SPAG16: variants seen among roughly 807,000 people sequenced by gnomAD.
SPAG16 encodes sperm-associated antigen 16 protein.
A neutral mutation model predicts 80.4 loss-of-function variants in SPAG16; 86 were observed. The ratio of observed to expected loss-of-function variants is 1.07; its 90% CI spans 0.90 to 1.28. The LOEUF (loss-of-function observed/expected upper bound fraction) is 1.28. SPAG16 is among the 50% of genes most tolerant of loss of function. The probability of loss-of-function intolerance (pLI) is 0.00; values close to 1 mark genes in which losing one functional copy is unlikely to be tolerated. For synonymous variants in SPAG16, 294 were observed against 265.9 expected, an observed-to-expected ratio of 1.11 and a Z score of -1.03; for missense variants, 870 against 765.3, an observed-to-expected ratio of 1.14 and a Z score of -1.61.
chr2:213,517,940 CA>C (rs1319138530), intron 10 of SPAG16, among the ~76,000 whole-genome samples: 7 of 152,048 alleles, frequency 4.6e-5, no homozygotes, highest in African/African-American at 1.4e-4. Context: ...TCAACAAAAA[CA>C]AAAATTGACA....
chr2:214,096,549 C>A (rs531952249), intron 13 of SPAG16, among the ~76,000 whole-genome samples: 1 of 152,016 alleles, frequency 6.6e-6, no homozygotes, highest in Non-Finnish European at 1.5e-5. Context: ...TCTTATGCTA[C>A]TGGGAGCGTT....
chr2:214,270,402 T>G (rs1691903827), intron 15 of SPAG16, among the ~76,000 whole-genome samples: 1 of 152,160 alleles, frequency 6.6e-6, no homozygotes, highest in South Asian at 2.1e-4. Context: ...TTTAAACCTG[T>G]TGGTTGATAA....
chr2:214,227,331 T>C (rs1390059282), intron 15 of SPAG16, among the ~76,000 whole-genome samples: 1 of 152,054 alleles, frequency 6.6e-6, no homozygotes, highest in Admixed American at 6.6e-5. Flanking sequence ...GAAACAGTTT[T>C]AATATTTACT....
At chr2:214,118,602 T>G (rs2054060223) in intron 14 of SPAG16, among the ~76,000 whole-genome samples, 1 of 152,102 alleles carries the variant, frequency 6.6e-6, no homozygotes, top group Non-Finnish European at 1.5e-5. Flanking sequence ...AAGCCCCTTG[T>G]AAAACCTTCA....
rs578038598 is a variant in SPAG16, at chr2:214,320,958, T to C, written c.1721-89182T>C. Among the ~76,000 whole-genome samples, 15 of 152,284 alleles carry C rather than the reference T, an allele frequency of 9.9e-5. No homozygotes were observed. The South Asian group carries it at 2.9e-3, about 29-fold the overall frequency. On this transcript the variant is annotated intron_variant, in intron 15 of 15. Transcript: ENST00000331683. ...ATGTAAAGTATGTTGGTTGGCAAAG[T>C]TAGAAGTATTTGTTAAAAAGTCCAT...
At chr2:213,677,417 A>G (rs1424396197) in intron 10 of SPAG16, among the ~76,000 whole-genome samples, 1 of 152,156 alleles carries the variant, frequency 6.6e-6, no homozygotes, top group African/African-American at 2.4e-5. Context: ...AAAAGGATGG[A>G]GGAAGATCTA....
intron 10 of SPAG16, among the ~76,000 whole-genome samples, chr2:213,689,162 C>G (rs2064826238): frequency 6.6e-6 from 1 of 152,090 alleles, no homozygotes; most frequent in African/African-American, 2.4e-5. Flanking sequence ...GTTTCACCAT[C>G]TTGGCCAGGC....
chr2:213,643,344 A>C (rs1289076522), intron 10 of SPAG16, among the ~76,000 whole-genome samples: 1 of 81,404 alleles, frequency 1.2e-5, no homozygotes, highest in Non-Finnish European at 2.4e-5. Flanking sequence ...ATTGGATCTT[A>C]ATTTTATATA....
At chr2:213,525,289 T>TC (rs1237142607) in intron 10 of SPAG16, among the ~76,000 whole-genome samples, 6 of 141,648 alleles carry the variant, frequency 4.2e-5, no homozygotes, top group Admixed American at 7.0e-5. Flanking sequence ...CTTTTCTTTT[T>TC]TTTTTTTTTT....
At chr2:213,544,131 C>T (rs919782168) in intron 10 of SPAG16, among the ~76,000 whole-genome samples, 4 of 151,696 alleles carry the variant, frequency 2.6e-5, no homozygotes, top group African/African-American at 9.7e-5. Flanking sequence ...ACTTTCTCTC[C>T]TAGTTAGTCC....
chr2:213,970,633 T>C (rs1044048282), intron 12 of SPAG16, among the ~76,000 whole-genome samples: 6 of 152,220 alleles, frequency 3.9e-5, no homozygotes, highest in Non-Finnish European at 8.8e-5. Flanking sequence ...CAGCACACTA[T>C]TGGTGAACAT....
intron 12 of SPAG16, among the ~76,000 whole-genome samples, chr2:213,971,847 C>T (rs922530550): frequency 6.6e-6 from 1 of 151,524 alleles, no homozygotes; most frequent in African/African-American, 2.4e-5. Flanking sequence ...ACATCCATGA[C>T]ATGCTAACAT....
At chr2:214,298,362 T>C (rs991800956) in intron 15 of SPAG16, among the ~76,000 whole-genome samples, 1 of 152,080 alleles carries the variant, frequency 6.6e-6, no homozygotes, top group African/African-American at 2.4e-5. Context: ...TTTCTAGGTA[T>C]AATATCATGT....
intron 15 of SPAG16, among the ~76,000 whole-genome samples, chr2:214,340,344 G>A (rs1020836816): frequency 4.6e-5 from 7 of 152,274 alleles, no homozygotes; most frequent in Non-Finnish European, 2.9e-5. Context: ...ATCCATTTTT[G>A]CATCAGGAGC....
chr2:214,402,349 T>G (rs1701756830), intron 15 of SPAG16, among the ~76,000 whole-genome samples: 1 of 152,072 alleles, frequency 6.6e-6, no homozygotes, highest in Non-Finnish European at 1.5e-5. Context: ...ATAGGAATTT[T>G]CATATTGACA....
chr2:213,948,466 T>G (rs1341268811), intron 12 of SPAG16, among the ~76,000 whole-genome samples: 1 of 152,176 alleles, frequency 6.6e-6, no homozygotes, highest in Non-Finnish European at 1.5e-5. Context: ...TCTCTCTCAC[T>G]CTCTAATTTT....
chr2:214,379,482 A>G lies in SPAG16; in HGVS notation c.1721-30658A>G, dbSNP rs554182026. ...GTCACTCCAAGAGTTGGATATATGT[A>G]TAAAGTTGATCTACAAGAAATGTCT... On this transcript the variant is annotated intron_variant, in intron 15 of 15. Coordinates refer to ENST00000331683, the MANE Select transcript of SPAG16 (RefSeq NM_024532.5). 1.9e-4 allele frequency among the ~76,000 whole-genome samples: 29 copies of G among 152,346 alleles called. No homozygotes were observed. The South Asian group carries it at 6.0e-3, about 32-fold the overall frequency.
At chr2:213,997,211 T>G (rs1230483204) in intron 12 of SPAG16, among the ~76,000 whole-genome samples, 2 of 152,190 alleles carry the variant, frequency 1.3e-5, no homozygotes, top group East Asian at 3.8e-4. Context: ...TTGCTTATAG[T>G]TGTTATAGAA....
chr2:213,314,785 T>C (rs2063332415), intron 4 of SPAG16, among the ~76,000 whole-genome samples: 1 of 151,912 alleles, frequency 6.6e-6, no homozygotes, highest in Non-Finnish European at 1.5e-5. Context: ...AAACCAATTT[T>C]ATGGTCAGAA....
Sources: gnomAD v4.1 joint callset for allele counts (sites outside exome capture counted in the v4.1 genomes callset) on GRCh38, gnomAD v4.1.1 for gene constraint, MANE v1.5 for transcripts, NCBI Gene and HGNC (gene_info 2026-07-23, HGNC 2026-07-21) for gene names.